KALRN: variants seen among roughly 807,000 people sequenced by gnomAD.
KALRN encodes kalirin RhoGEF kinase.
Under a neutral mutation model 353.7 loss-of-function variants are expected in KALRN, and 70 were observed. That is an observed-to-expected ratio of 0.20 (90% CI 0.16 to 0.24). The LOEUF (loss-of-function observed/expected upper bound fraction) is 0.24, where lower values mean the gene tolerates loss of function less well. KALRN is among the 10% of genes least tolerant of loss of function. The probability of loss-of-function intolerance (pLI) is 1.00; values close to 1 mark genes in which losing one functional copy is unlikely to be tolerated. For synonymous variants in KALRN, 1,391 were observed against 1,434.8 expected (o/e 0.97, Z 0.69); for missense variants, 2,791 against 3,756.7 (o/e 0.74, Z 6.72).
At chr3:124,714,469 G>A (rs576912093) in intron 58 of KALRN, among the ~76,000 whole-genome samples, 3 of 152,330 alleles carry the variant, frequency 2.0e-5, no homozygotes, top group Admixed American at 6.5e-5. Context: ...CTGGGCTCAC[G>A]TCCCAGCTCT....
chr3:124,193,867 T>C (rs1246114001), intron 1 of KALRN, among the ~76,000 whole-genome samples: 2 of 152,228 alleles, frequency 1.3e-5, no homozygotes, highest in African/African-American at 4.8e-5. Flanking sequence ...CATTTTATCA[T>C]AAGCATTTCC....
intron 8 of KALRN, among the ~76,000 whole-genome samples, chr3:124,331,714 T>C (rs916812749): frequency 2.0e-5 from 3 of 152,234 alleles, no homozygotes; most frequent in African/African-American, 7.2e-5. Flanking sequence ...AGAGTACAAA[T>C]GAGATTAATA....
At chr3:124,615,166 C>A (rs1398918618) in intron 34 of KALRN, among the ~76,000 whole-genome samples, 1 of 152,186 alleles carries the variant, frequency 6.6e-6, no homozygotes, top group East Asian at 1.9e-4. Flanking sequence ...TAACTATAGT[C>A]TAATCAAATC....
intron 11 of KALRN, among the ~76,000 whole-genome samples, chr3:124,394,224 G>A (rs996430323): frequency 6.6e-6 from 1 of 152,148 alleles, no homozygotes. Flanking sequence ...TCTCTCTACT[G>A]GCTTTTTTCC....
At chr3:124,241,808 G>T (rs1379564246) in intron 3 of KALRN, among the ~76,000 whole-genome samples, 6 of 152,160 alleles carry the variant, frequency 3.9e-5, no homozygotes, top group Non-Finnish European at 7.3e-5. Context: ...ACTGGGAGTG[G>T]GGAGACTTCA....
At chr3:124,143,692 A>G (rs2066920505) in intron 1 of KALRN, among the ~76,000 whole-genome samples, 1 of 152,186 alleles carries the variant, frequency 6.6e-6, no homozygotes, top group Non-Finnish European at 1.5e-5. Flanking sequence ...AATGCTAGTG[A>G]TGGAATGCCA....
chr3:124,061,465 CT>C (rs1217508825), intron 1 of KALRN, among the ~76,000 whole-genome samples: 11 of 152,310 alleles, frequency 7.2e-5, no homozygotes, highest in African/African-American at 2.4e-4. Context: ...GGACACCATT[CT>C]TTTTCTGGGT....
rs1336170017 is a variant in KALRN, at chr3:124,556,499, G to A, written c.4936-6344G>A. Among the ~76,000 whole-genome samples, 6 of 152,090 alleles carry A rather than the reference G, an allele frequency of 3.9e-5. No homozygotes were observed. The South Asian group carries it at 1.0e-3, about 26-fold the overall frequency. On this transcript the variant is annotated intron_variant, in intron 33 of 59. Transcript: ENST00000682506. Reference sequence around the variant, plus strand: ...AGAAGCCTTCAGAGTTTTATAGTAGGGCGAGGACAGAAGTTTAGTAGAGGA... The same window carrying A: ...AGAAGCCTTCAGAGTTTTATAGTAGAGCGAGGACAGAAGTTTAGTAGAGGA...
intron 3 of KALRN, among the ~76,000 whole-genome samples, chr3:124,249,618 G>A (rs1423869994): frequency 6.6e-6 from 1 of 152,152 alleles, no homozygotes; most frequent in Non-Finnish European, 1.5e-5. Flanking sequence ...GGACAGCAGG[G>A]TGCCTAGAGC....
chr3:124,049,324 C>T (rs1696590626), intron 1 of KALRN, among the ~76,000 whole-genome samples: 2 of 152,152 alleles, frequency 1.3e-5, no homozygotes, highest in South Asian at 4.1e-4. Flanking sequence ...ACCTTGGTTT[C>T]TAATTCTACC....
chr3:124,151,495 T>C (rs1447054617), intron 1 of KALRN, among the ~76,000 whole-genome samples: 1 of 152,238 alleles, frequency 6.6e-6, no homozygotes, highest in Non-Finnish European at 1.5e-5. Flanking sequence ...ATATCCTCTT[T>C]TGTAAGGTGA....
intron 27 of KALRN, among the ~76,000 whole-genome samples, chr3:124,478,532 A>G (rs1302425086): frequency 6.6e-6 from 1 of 152,186 alleles, no homozygotes; most frequent in Non-Finnish European, 1.5e-5. Flanking sequence ...TGATTTTTTT[A>G]ATGGAGCATT....
At chr3:124,225,032 G>A (rs901361673) in intron 1 of KALRN, among the ~76,000 whole-genome samples, 1 of 152,132 alleles carries the variant, frequency 6.6e-6, no homozygotes, top group Non-Finnish European at 1.5e-5. Flanking sequence ...ACACGTACCC[G>A]ATAGTGAAAA....
At chr3:124,204,788 A>G (rs527694941) in intron 1 of KALRN, among the ~76,000 whole-genome samples, 1 of 152,310 alleles carries the variant, frequency 6.6e-6, no homozygotes, top group African/African-American at 2.4e-5. Flanking sequence ...TAAAAACTAA[A>G]TCTCTAAGGT....
At chr3:124,047,507 T>G (rs1460787140) in intron 1 of KALRN, among the ~76,000 whole-genome samples, 2 of 150,376 alleles carry the variant, frequency 1.3e-5, no homozygotes, top group African/African-American at 2.4e-5. Context: ...TTTTTTTTTT[T>G]TTTGAGATGG....
intron 34 of KALRN, among the ~76,000 whole-genome samples, chr3:124,616,138 T>G (rs890034407): frequency 1.3e-5 from 2 of 152,348 alleles, no homozygotes; most frequent in South Asian, 4.1e-4. Context: ...AGTTTCCTCT[T>G]CTTGCTTCTT....
chr3:124,311,208 G>A (rs1323655124), intron 6 of KALRN, among the ~76,000 whole-genome samples: 2 of 150,270 alleles, frequency 1.3e-5, no homozygotes, highest in Non-Finnish European at 3.0e-5. Flanking sequence ...GCCTATAATC[G>A]CAGCACTTTG....
At chr3:124,422,732 G>C in intron 14 of KALRN, 80 bp from the exon 15 acceptor site, 1 of 1,198,366 alleles carries the variant, frequency 8.3e-7, no homozygotes, top group Non-Finnish European at 1.2e-6. Context: ...CCAAATTCCA[G>C]TTTTCTTATG....
In KALRN at chr3:124,146,812, G is replaced by A. The variant is rs568971092; in HGVS notation, c.74-81178G>A. Among the ~76,000 whole-genome samples the A allele has an allele frequency of 2.9e-5, 4 of 137,670 alleles. 1 individual carries two copies. In the South Asian group the frequency reaches 9.9e-4, roughly 34 times the overall value. 90.3% of individuals were successfully genotyped at this position (137,670 alleles called of 152,430 possible). A position where few individuals can be genotyped will look rare whatever the true frequency, so the allele number is the denominator to read the frequency against. On this transcript the variant is annotated intron_variant, in intron 1 of 59. Transcript: ENST00000682506. ...GAATCGCTTGCGCCTGGGAGGCAGAGGTTGCAGTGAGCTGAGATTGCACCT... is the reference window on the plus strand; with the variant it reads ...GAATCGCTTGCGCCTGGGAGGCAGAAGTTGCAGTGAGCTGAGATTGCACCT...
Sources: gnomAD v4.1 joint callset for allele counts (sites outside exome capture counted in the v4.1 genomes callset) on GRCh38, gnomAD v4.1.1 for gene constraint, MANE v1.5 for transcripts, NCBI Gene and HGNC (gene_info 2026-07-23, HGNC 2026-07-21) for gene names.